KCND2: variants seen among roughly 807,000 people sequenced by gnomAD.
KCND2 encodes potassium voltage-gated channel subfamily D member 2.
KCND2 carries 16 observed loss-of-function variants against 54.4 expected under a neutral mutation model. The ratio of observed to expected loss-of-function variants is 0.29; its 90% CI spans 0.20 to 0.45. The LOEUF is 0.45. Ranked by LOEUF, KCND2 falls within the 20% of genes least tolerant of loss-of-function variation. The pLI is 1.00. For missense variants in KCND2, 486 were observed against 824.2 expected (o/e 0.59, Z 5.02); for synonymous variants, 317 against 310.7 (o/e 1.02, Z -0.21).
At chr7:120,614,403 T>A (rs1373783069) in intron 1 of KCND2, among the ~76,000 whole-genome samples, 1 of 152,238 alleles carries the variant, frequency 6.6e-6, no homozygotes, top group Non-Finnish European at 1.5e-5. Flanking sequence ...ATTTTGAGGT[T>A]TGCTAGATTT....
At chr7:120,329,175 G>T (rs1800026345) in intron 1 of KCND2, among the ~76,000 whole-genome samples, 4 of 148,012 alleles carry the variant, frequency 2.7e-5, no homozygotes, top group Admixed American at 1.4e-4. Context: ...AGGCTGGAGT[G>T]CAATGGCATA....
rs778873826 is a variant in KCND2, at chr7:120,746,031, C to T, written c.1715+4C>T. On this transcript the variant is annotated splice_donor_region_variant and intron_variant, in intron 5 of 5. Coordinates refer to ENST00000331113, the MANE Select transcript of KCND2 (RefSeq NM_012281.3). ...AGAGAACACCTCTGTCTAACAGGTA[C>T]CTGAGATTAATCTGTGTTGTCTACA... 6.2e-7 allele frequency: 1 copy of T among 1,612,478 alleles called. No individual in the cohort carries two copies. The highest frequency in any genetic ancestry group is 8.5e-7 in the Non-Finnish European group (1 of 1,179,604).
chr7:120,688,436 C>T (rs1459997783), intron 1 of KCND2, among the ~76,000 whole-genome samples: 9 of 152,066 alleles, frequency 5.9e-5, no homozygotes, highest in Admixed American at 5.9e-4. Flanking sequence ...ATGTAAGAAT[C>T]CTTCTTAGTT....
intron 1 of KCND2, among the ~76,000 whole-genome samples, chr7:120,471,708 T>G (rs1489224494): frequency 6.6e-6 from 1 of 152,138 alleles, no homozygotes; most frequent in African/African-American, 2.4e-5. Context: ...ATTACATTAT[T>G]TCTTTGAAAA....
chr7:120,373,677 C>T (rs1206927094), intron 1 of KCND2, among the ~76,000 whole-genome samples: 3 of 151,832 alleles, frequency 2.0e-5, no homozygotes, highest in African/African-American at 7.2e-5. Context: ...TGTATAGACC[C>T]ATGGATAGAC....
At chr7:120,357,453 A>G (rs574545468) in intron 1 of KCND2, among the ~76,000 whole-genome samples, 3 of 152,230 alleles carry the variant, frequency 2.0e-5, no homozygotes, top group African/African-American at 7.2e-5. Flanking sequence ...ACTTTCGTCT[A>G]TAAGAATTTG....
rs763247923 is a variant in KCND2 at position 120,742,583 on chromosome 7, A to T, written c.1448A>T (p.His483Leu). 1 of 1,613,462 alleles carries T rather than the reference A, an allele frequency of 6.2e-7. No homozygotes were observed. Among genetic ancestry groups the T allele is most frequent in the Admixed American group, 1.7e-5 (1 of 59,980 alleles). Residue 483 changes from histidine to leucine, a missense_variant, in exon 4 of 6, where the codon CAC (histidine) becomes CTC (leucine). Around this residue, in one of 7 missense-constraint regions of KCND2, gnomAD observed 202 missense variants for 252.7 expected, o/e 0.80. Transcript: ENST00000331113. ...SFETQHHHLL[H>L]CLEKTTNHEF... ...GAAACCCAGCACCACCACCTGCTTC[A>T]CTGCCTGGAAAAAACCACGGTAAGG...
At chr7:120,616,900 C>T (rs973038777) in intron 1 of KCND2, among the ~76,000 whole-genome samples, 4 of 152,158 alleles carry the variant, frequency 2.6e-5, no homozygotes, top group African/African-American at 9.7e-5. Flanking sequence ...TCTGTGTTCT[C>T]AGTTCCACCC....
At chr7:120,712,730 TA>T (rs1267642430) in intron 1 of KCND2, among the ~76,000 whole-genome samples, 3 of 152,152 alleles carry the variant, frequency 2.0e-5, no homozygotes. Flanking sequence ...AAAGAAATAG[TA>T]ATCTTAAATT....
intron 1 of KCND2, among the ~76,000 whole-genome samples, chr7:120,714,413 A>G (rs967966576): frequency 2.0e-5 from 3 of 152,124 alleles, no homozygotes; most frequent in African/African-American, 7.2e-5. Context: ...ATTCAACTAT[A>G]ATTTGTAGAT....
At chr7:120,701,239 CTAAAAAAAAAAAAAA>C (rs1792397605) in intron 1 of KCND2, among the ~76,000 whole-genome samples, 1 of 32,446 alleles carries the variant, frequency 3.1e-5, no homozygotes. Flanking sequence ...TAATGCCTAG[CTAAAAAAAAAAAAAA>C]AAAAAAAAAA....
intron 1 of KCND2, among the ~76,000 whole-genome samples, chr7:120,421,996 G>A (rs2116136655): frequency 6.6e-6 from 1 of 152,342 alleles, no homozygotes; most frequent in East Asian, 1.9e-4. Flanking sequence ...AGGAAGGGCA[G>A]AAGGTTGTTC....
At chr7:120,324,224 A>G (rs1211917605) in intron 1 of KCND2, among the ~76,000 whole-genome samples, 36 of 139,912 alleles carry the variant, frequency 2.6e-4, no homozygotes, top group African/African-American at 4.8e-4. Flanking sequence ...AGTAGGTTGC[A>G]AAAATTTTCT....
At chr7:120,551,839 G>A (rs552209015) in intron 1 of KCND2, among the ~76,000 whole-genome samples, 17 of 152,208 alleles carry the variant, frequency 1.1e-4, no homozygotes, top group Non-Finnish European at 2.4e-4. Flanking sequence ...CTGTGCTCAG[G>A]AACTCAAGAA....
Position 120,373,292 on chromosome 7 carries a change from T to A in KCND2, c.1115+97545T>A, listed in dbSNP as rs1334177530. Reference sequence around the variant, plus strand: ...GTAGAATACAATAATCTTCTCTCTTTGGTAGCTAGAGAACAGAGCCTGCCC... The same window carrying A: ...GTAGAATACAATAATCTTCTCTCTTAGGTAGCTAGAGAACAGAGCCTGCCC... On this transcript the variant is annotated intron_variant, in intron 1 of 5. Transcript: ENST00000331113. Among the ~76,000 whole-genome samples the A allele has an allele frequency of 2.6e-5, 4 of 151,864 alleles. 1 individual carries two copies. Among genetic ancestry groups the A allele is most frequent in the Non-Finnish European group, 5.9e-5 (4 of 67,864 alleles).
intron 1 of KCND2, among the ~76,000 whole-genome samples, chr7:120,457,222 A>C (rs1045493060): frequency 6.6e-6 from 1 of 152,130 alleles, no homozygotes; most frequent in Non-Finnish European, 1.5e-5. Context: ...AATATCTCTG[A>C]CATGCCCTGG....
intron 1 of KCND2, among the ~76,000 whole-genome samples, chr7:120,698,022 C>CTT (rs35589294): frequency 0.12 from 10,392 of 84,972 alleles, 350 homozygotes; most frequent in African/African-American, 0.14. Context: ...TAGATTTGCC[C>CTT]TTTTTTTTTT....
chr7:120,551,420 C>T (rs969617701), intron 1 of KCND2, among the ~76,000 whole-genome samples: 2 of 152,048 alleles, frequency 1.3e-5, no homozygotes, highest in South Asian at 2.1e-4. Context: ...CAGACAGTAT[C>T]CTAGGTATTG....
intron 1 of KCND2, among the ~76,000 whole-genome samples, chr7:120,718,758 A>G (rs2116096551): frequency 6.6e-6 from 1 of 152,298 alleles, no homozygotes; most frequent in Non-Finnish European, 1.5e-5. Context: ...GAAGAGAGTA[A>G]GCCATTGGGG....
Sources: gnomAD v4.1 joint callset for allele counts (sites outside exome capture counted in the v4.1 genomes callset) on GRCh38, gnomAD v4.1.1 for gene constraint, gnomAD v4.1.1 regional missense constraint, MANE v1.5 for transcripts, NCBI Gene and HGNC (gene_info 2026-07-23, HGNC 2026-07-21) for gene names.